The following CDH13 variants were observed in gnomAD, a reference collection of about 807,000 sequenced individuals.
CDH13 encodes the protein cadherin-13.
Under a neutral mutation model 63.8 loss-of-function variants are expected in CDH13, and 24 were observed. The observed-to-expected ratio is 0.38, with a 90% CI of 0.27 to 0.53. The LOEUF (loss-of-function observed/expected upper bound fraction) is 0.53, where lower values mean the gene tolerates loss of function less well. CDH13 is among the 20% of genes least tolerant of loss of function. CDH13 has a pLI of 0.85. For missense variants in CDH13, 1,049 were observed against 903.1 expected (o/e 1.16, Z -2.07); for synonymous variants, 503 against 355.3 (o/e 1.42, Z -4.67).
chr16:82,964,819 A>G (rs1365876288), intron 2 of CDH13, among the ~76,000 whole-genome samples: 2 of 152,222 alleles, frequency 1.3e-5, no homozygotes, highest in African/African-American at 2.4e-5. Flanking sequence ...TCCTGTCGAA[A>G]TGACTGATCC....
chr16:82,831,030 C>T (rs542660336), intron 1 of CDH13, among the ~76,000 whole-genome samples: 23 of 152,228 alleles, frequency 1.5e-4, no homozygotes, highest in Non-Finnish European at 1.8e-4. Flanking sequence ...TGCTTGCTCT[C>T]CTTTATTCTC....
intron 2 of CDH13, among the ~76,000 whole-genome samples, chr16:82,893,324 C>A: frequency 6.6e-6 from 1 of 151,364 alleles, no homozygotes; most frequent in East Asian, 1.9e-4. Context: ...GATAAAGGCA[C>A]TTTTAATATG....
intron 11 of CDH13, among the ~76,000 whole-genome samples, chr16:83,752,873 G>T (rs184698142): frequency 1.3e-5 from 2 of 152,206 alleles, no homozygotes; most frequent in African/African-American, 4.8e-5. Flanking sequence ...GGGGGTTTCA[G>T]AAAGGAAAGA....
intron 4 of CDH13, among the ~76,000 whole-genome samples, chr16:83,174,601 G>C (rs979936449): frequency 6.6e-6 from 1 of 151,916 alleles, no homozygotes; most frequent in African/African-American, 2.4e-5. Flanking sequence ...CTAGCCACCT[G>C]TGGTTACTTA....
intron 11 of CDH13, 93 bp downstream of exon 11, chr16:83,748,343 T>C (rs949930657): frequency 8.5e-7 from 1 of 1,182,556 alleles, no homozygotes. Flanking sequence ...CCAGGGGTGT[T>C]CTTGGGAAGA....
At chr16:83,534,935 C>A (rs1247312518) in intron 7 of CDH13, among the ~76,000 whole-genome samples, 7 of 152,160 alleles carry the variant, frequency 4.6e-5, no homozygotes, top group African/African-American at 1.7e-4. Context: ...ATGTCTAGGA[C>A]AATTTTATAG....
At chr16:83,392,242 T>G (rs535902637) in intron 6 of CDH13, among the ~76,000 whole-genome samples, 9 of 152,354 alleles carry the variant, frequency 5.9e-5, no homozygotes, top group African/African-American at 1.9e-4. Flanking sequence ...CTCAGTTTCC[T>G]CATCTGTGAT....
At chr16:83,600,650 A>G (rs1907698791) in intron 7 of CDH13, among the ~76,000 whole-genome samples, 1 of 152,128 alleles carries the variant, frequency 6.6e-6, no homozygotes. Flanking sequence ...TGAAGCTGTC[A>G]TACTGGTAGG....
At chr16:83,219,398 G>A (rs1356703755) in intron 5 of CDH13, among the ~76,000 whole-genome samples, 1 of 152,122 alleles carries the variant, frequency 6.6e-6, no homozygotes, top group Non-Finnish European at 1.5e-5. Context: ...TCAAATCATG[G>A]CTATCATGTA....
At chr16:83,116,321 G>A (rs2035293112) in intron 3 of CDH13, among the ~76,000 whole-genome samples, 1 of 152,190 alleles carries the variant, frequency 6.6e-6, no homozygotes, top group Non-Finnish European at 1.5e-5. Context: ...TCAGGGGGAT[G>A]GGGCGGGGAA....
At chr16:83,344,079 C>A (rs530394154) in intron 5 of CDH13, among the ~76,000 whole-genome samples, 14 of 152,124 alleles carry the variant, frequency 9.2e-5, no homozygotes, top group African/African-American at 3.1e-4. Context: ...TACTCCTATG[C>A]GGGGACCAAC....
At chr16:83,387,386 G>A (rs763975878) in intron 6 of CDH13, among the ~76,000 whole-genome samples, 104 of 152,280 alleles carry the variant, frequency 6.8e-4, no homozygotes, top group Non-Finnish European at 1.3e-3. Flanking sequence ...TATTTTCCAA[G>A]TCACTGTGAT....
chr16:83,403,610 G>A (rs866538394), intron 6 of CDH13, among the ~76,000 whole-genome samples: 11 of 152,048 alleles, frequency 7.2e-5, no homozygotes, highest in South Asian at 2.1e-4. Context: ...GCGACAGAGC[G>A]AGACTCCGTC....
chr16:83,657,037 C>T (rs1334868040), intron 8 of CDH13, among the ~76,000 whole-genome samples: 2 of 152,160 alleles, frequency 1.3e-5, no homozygotes, highest in East Asian at 1.9e-4. Flanking sequence ...ACTCAGGGCA[C>T]TCAGTTGGGC....
At chr16:83,403,806 A>C (rs753339487) in intron 6 of CDH13, among the ~76,000 whole-genome samples, 1 of 152,122 alleles carries the variant, frequency 6.6e-6, no homozygotes, top group Non-Finnish European at 1.5e-5. Flanking sequence ...GAATATTCTT[A>C]CCTAGATACA....
At chr16:83,407,286 C>A (rs13330293) in intron 6 of CDH13, among the ~76,000 whole-genome samples, 1 of 152,290 alleles carries the variant, frequency 6.6e-6, no homozygotes, top group Admixed American at 6.5e-5. Flanking sequence ...ACCTCCTGCC[C>A]GTTTATTTGA....
intron 3 of CDH13, among the ~76,000 whole-genome samples, chr16:83,110,796 C>T (rs1380602075): frequency 6.6e-6 from 1 of 151,952 alleles, no homozygotes; most frequent in Non-Finnish European, 1.5e-5. Context: ...GTGACAGTTA[C>T]AAGGGGCTAC....
At chr16:82,739,900 C>G (rs976451635) in intron 1 of CDH13, among the ~76,000 whole-genome samples, 2 of 152,156 alleles carry the variant, frequency 1.3e-5, no homozygotes, top group African/African-American at 4.8e-5. Context: ...TACTTGAACT[C>G]TTGGTGTTGG....
intron 1 of CDH13, among the ~76,000 whole-genome samples, chr16:82,730,916 A>G (rs562734346): frequency 1.5e-4 from 23 of 152,372 alleles, no homozygotes; most frequent in Admixed American, 2.6e-4. Context: ...ATTAAGTTAT[A>G]TTAAAAGAAG....
Sources: gnomAD v4.1 joint callset for allele counts (sites outside exome capture counted in the v4.1 genomes callset) on GRCh38, gnomAD v4.1.1 for gene constraint, MANE v1.5 for transcripts, NCBI Gene and HGNC (gene_info 2026-07-23, HGNC 2026-07-21) for gene names.